The following FBXO22 variants were observed in gnomAD, a reference collection of about 807,000 sequenced individuals.
The protein encoded by FBXO22 is F-box only protein 22.
FBXO22 carries 13 observed loss-of-function variants against 37.2 expected under a neutral mutation model. The ratio of observed to expected loss-of-function variants is 0.35; its 90% confidence interval spans 0.23 to 0.56. The LOEUF (loss-of-function observed/expected upper bound fraction) is 0.56. FBXO22 is among the 20% of genes least tolerant of loss of function. FBXO22 has a pLI of 0.87. For synonymous variants in FBXO22, 189 were observed against 189.1 expected, an observed-to-expected ratio of 1.00 and a Z score of 0.00; for missense variants, 446 against 509.9, an observed-to-expected ratio of 0.87 and a Z score of 1.21.
At chr15:75,927,693 A>G (rs988717388) in intron 5 of FBXO22, among the ~76,000 whole-genome samples, 1 of 152,224 alleles carries the variant, frequency 6.6e-6, no homozygotes. Flanking sequence ...CATGAAAGTA[A>G]TATTCTTTTT....
chr15:75,922,423 C>G (rs1900348057), intron 5 of FBXO22, among the ~76,000 whole-genome samples: 1 of 152,238 alleles, frequency 6.6e-6, no homozygotes, highest in Middle Eastern at 3.4e-3. Flanking sequence ...ATCAAGGAGG[C>G]TTCCAGAAGC....
chr15:75,936,419 A>AG lies in FBXO22; in HGVS notation c.*3320dup, dbSNP rs1192366686. ...AGTTACTTTAATATTGACCCTATAT[A>AG]GGGAAGAATAATCAAATATTTGCAA... On this transcript the variant is annotated 3_prime_UTR_variant, in exon 7 of 7. Transcript: ENST00000308275. 1 of 152,230 alleles carries AG rather than the reference A, an allele frequency of 6.6e-6. No individual in the cohort carries two copies. The highest frequency in any genetic ancestry group is 1.9e-4 in the East Asian group (1 of 5,200). The allele number at this position is 152,230 out of a possible 1,614,324, so 9.4% of individuals were successfully genotyped here. A position where few individuals can be genotyped will look rare whatever the true frequency, so the allele number is the denominator to read the frequency against.
At chr15:75,920,504 G>A (rs931645087) in intron 5 of FBXO22, among the ~76,000 whole-genome samples, 2 of 152,120 alleles carry the variant, frequency 1.3e-5, no homozygotes, top group African/African-American at 4.8e-5. Context: ...ATATTCAATT[G>A]GCTCATAATG....
Position 75,934,105 on chromosome 15 carries a change from C to T in FBXO22, c.*1003C>T, listed in dbSNP as rs1254252638. The stretch of plus-strand genomic sequence containing the variant: ...CCTCCTAGAATAAAGACTACATTTC[C>T]CAGTCTCCTGTGCAGGTATGACTGT... On this transcript the variant is annotated 3_prime_UTR_variant, in exon 7 of 7. Coordinates refer to ENST00000308275, the MANE Select transcript of FBXO22 (RefSeq NM_147188.3). The T allele has an allele frequency of 6.6e-6, 1 of 152,364 alleles. No homozygotes were observed. Among genetic ancestry groups the T allele is most frequent in the Non-Finnish European group, 1.5e-5 (1 of 68,194 alleles). The allele number at this position is 152,364 out of a possible 1,614,324, so 9.4% of individuals were successfully genotyped here.
intron 2 of FBXO22, among the ~76,000 whole-genome samples, 196 bp downstream of exon 2, chr15:75,904,825 C>CT (rs1401066260): frequency 8.2e-5 from 3 of 36,572 alleles, no homozygotes; most frequent in Non-Finnish European, 1.1e-4. Flanking sequence ...AAATGTTGGG[C>CT]CTTTTTTTTT....
rs532903598 is a variant in FBXO22 at position 75,930,715 on chromosome 15, T to C, written c.794+666T>C. On this transcript the variant is annotated intron_variant, in intron 6 of 6. Transcript: ENST00000308275. The stretch of plus-strand genomic sequence containing the variant: ...ATGAAAATACATATCATTTTGAGTT[T>C]GAAACAATTAGGTGGACATAAATAT... 4 of 985,480 alleles carry C rather than the reference T, an allele frequency of 4.1e-6. No individual in the cohort carries two copies. The South Asian group carries it at 1.9e-4, about 46-fold the overall frequency. The allele number at this position is 985,480 out of a possible 1,614,324, so 61.0% of individuals were successfully genotyped here.
intron 6 of FBXO22, among the ~76,000 whole-genome samples, chr15:75,931,680 C>G (rs1730844935): frequency 6.6e-6 from 1 of 152,226 alleles, no homozygotes. Context: ...ACTTGTTTAT[C>G]CCCTAGTGGA....
chr15:75,913,182 A>AT (rs367627596), intron 2 of FBXO22, 21 bp from the exon 3 acceptor site: 99,383 of 1,009,856 alleles, frequency 0.098, no homozygotes, highest in South Asian at 0.11. Context: ...TCCAATTCCA[A>AT]TTTTTTTTTT....
intron 6 of FBXO22, among the ~76,000 whole-genome samples, chr15:75,932,065 T>A (rs2030044048): frequency 6.6e-6 from 1 of 152,158 alleles, no homozygotes; most frequent in Non-Finnish European, 1.5e-5. Flanking sequence ...TGTTTACAGA[T>A]TAGCCAGGTG....
chr15:75,935,081 G>A lies in FBXO22; in HGVS notation c.*1979G>A, dbSNP rs2030226191. Reference sequence around the variant, plus strand: ...CTTAGTGCAAAGTAAAAAGGGAAAAGTTGACCTAATAGAAACAATAGTAGT... The same window carrying A: ...CTTAGTGCAAAGTAAAAAGGGAAAAATTGACCTAATAGAAACAATAGTAGT... On this transcript the variant is annotated 3_prime_UTR_variant, in exon 7 of 7. Transcript: ENST00000308275. The A allele has an allele frequency of 6.6e-6, 1 of 152,178 alleles. No homozygotes were observed. The highest frequency in any genetic ancestry group is 2.1e-4 in the South Asian group (1 of 4,832). The allele number at this position is 152,178 out of a possible 1,614,324, so 9.4% of individuals were successfully genotyped here.
At chr15:75,926,861 A>G (rs987404888) in intron 5 of FBXO22, among the ~76,000 whole-genome samples, 1 of 152,202 alleles carries the variant, frequency 6.6e-6, no homozygotes, top group Non-Finnish European at 1.5e-5. Context: ...ATTTATGCAG[A>G]TGTCTCAGAG....
Position 75,933,080 on chromosome 15 carries a change from T to C in FBXO22, c.1190T>C (p.Ile397Thr). The C allele has an allele frequency of 6.2e-7, 1 of 1,612,854 alleles. No homozygotes were observed. Among genetic ancestry groups the C allele is most frequent in the Non-Finnish European group, 8.5e-7 (1 of 1,179,234 alleles). Residue 397 changes from isoleucine (I) to threonine (T), a missense_variant, in exon 7 of 7, where the codon ATA becomes ACA. Around this residue, in one of 2 missense-constraint regions of FBXO22, gnomAD observed 315 missense variants for 410.1 expected, o/e 0.77. Transcript: ENST00000308275. ...FHSYTTIMAL[I>T]HLGSSK ...AGCTATACAACAATAATGGCACTCA[T>C]ACATCTGGGGTCATCTAAATAATAA...
In FBXO22 at chr15:75,904,111, G is replaced by A. The variant is rs1464184665; in HGVS notation, c.140+8G>A. ...GTTGCTGCGGGTGGCCTGGTGAGGA[G>A]AGGAGGCGGAGGCGGGAAGCTTGCC... On this transcript the variant is annotated splice_region_variant and intron_variant, in intron 1 of 6. Transcript: ENST00000308275. 13 of 1,534,480 alleles carry A rather than the reference G, an allele frequency of 8.5e-6. No individual in the cohort carries two copies. In the Admixed American group the frequency reaches 2.0e-4, roughly 24 times the overall value.
rs571038225 is a variant in FBXO22 at position 75,941,741 on chromosome 15, T to C, written c.*8639T>C. ...ACAAAGTAGAACAAAGATTACGTTT[T>C]GTCACAGGGAGCAGGAGGGAATGGG... On this transcript the variant is annotated 3_prime_UTR_variant, in exon 7 of 7. Coordinates refer to ENST00000308275, the MANE Select transcript of FBXO22 (RefSeq NM_147188.3). The C allele has an allele frequency of 2.4e-4, 36 of 152,210 alleles. No individual in the cohort carries two copies. Among genetic ancestry groups the C allele is most frequent in the African/African-American group, 8.7e-4 (36 of 41,538 alleles). 9.4% of individuals were successfully genotyped at this position (152,210 alleles called of 1,614,324 possible).
intron 6 of FBXO22, among the ~76,000 whole-genome samples, chr15:75,931,761 A>T (rs1397520241): frequency 1.3e-5 from 2 of 152,136 alleles, no homozygotes; most frequent in Admixed American, 6.6e-5. Flanking sequence ...TTCATTTTTT[A>T]AAAAAACCAG....
In FBXO22 at chr15:75,918,905, G is replaced by C. The variant is rs549328097; in HGVS notation, c.628+1511G>C. Among the ~76,000 whole-genome samples, 4 of 152,326 alleles carry C rather than the reference G, an allele frequency of 2.6e-5. No individual in the cohort carries two copies. In the East Asian group the frequency reaches 7.7e-4, roughly 29 times the overall value. ...TACAAAATTCGTTTTGGAGGAATAA[G>C]TTCTTGAGGTCTGTTGTACAACATG... is the stretch of plus-strand genomic sequence containing the variant. On this transcript the variant is annotated intron_variant, in intron 5 of 6. Transcript: ENST00000308275.
intron 2 of FBXO22, among the ~76,000 whole-genome samples, chr15:75,907,037 T>C (rs1899944433): frequency 6.6e-6 from 1 of 152,200 alleles, no homozygotes; most frequent in Admixed American, 6.5e-5. Flanking sequence ...GTTAGCTTTT[T>C]TTTCCATTTA....
In FBXO22 at chr15:75,907,203, G is replaced by A. The variant is rs964398988; in HGVS notation, c.279+2574G>A. Among the ~76,000 whole-genome samples the A allele has an allele frequency of 3.1e-4, 47 of 152,108 alleles. 1 individual carries two copies. Among genetic ancestry groups the A allele is most frequent in the African/African-American group, 1.0e-3 (42 of 41,420 alleles). On this transcript the variant is annotated intron_variant, in intron 2 of 6. Coordinates refer to ENST00000308275, the MANE Select transcript of FBXO22 (RefSeq NM_147188.3). ...AACCATAGCTTTGGCATATACCAGCGGTGTGACTTTGAAAAAGCTACTCAA... is the reference window on the plus strand; with the variant it reads ...AACCATAGCTTTGGCATATACCAGCAGTGTGACTTTGAAAAAGCTACTCAA...
At chr15:75,909,987 A>C (rs1033746771) in intron 2 of FBXO22, among the ~76,000 whole-genome samples, 1 of 151,514 alleles carries the variant, frequency 6.6e-6, no homozygotes, top group South Asian at 2.1e-4. Context: ...TCATTGTTCA[A>C]CTCCCACTTA....
Sources: gnomAD v4.1 joint callset for allele counts (sites outside exome capture counted in the v4.1 genomes callset) on GRCh38, gnomAD v4.1.1 for gene constraint, gnomAD v4.1.1 regional missense constraint, MANE v1.5 for transcripts, NCBI Gene and HGNC (gene_info 2026-07-23, HGNC 2026-07-21) for gene names.